Variants in ZNF587B observed in about 807,000 individuals in gnomAD.
ZNF587B encodes the protein zinc finger protein 587B.
A neutral mutation model predicts 7.2 loss-of-function variants in ZNF587B; 6 were observed. The observed-to-expected ratio is 0.83, with a 90% CI of 0.46 to 1.65. ZNF587B has a LOEUF of 1.65. Among genes scored for constraint, ZNF587B ranks in the 40% most tolerant of loss-of-function variants. The pLI, the probability that ZNF587B is intolerant of heterozygous loss-of-function variation, is 0.01. For missense variants in ZNF587B, 749 were observed against 761.0 expected (o/e 0.98, Z 0.19); for synonymous variants, 274 against 254.3 (o/e 1.08, Z -0.74).
At chr19:57,838,344 T>G (rs1988709733) in intron 1 of ZNF587B, among the ~76,000 whole-genome samples, 1 of 151,770 alleles carries the variant, frequency 6.6e-6, no homozygotes, top group African/African-American at 2.4e-5. Context: ...GGCTCAAGCC[T>G]GTAATCCCAG....
chr19:57,830,434 G>C lies in ZNF587B; in HGVS notation c.-95G>C. The C allele has an allele frequency of 3.6e-6, 5 of 1,396,770 alleles. No homozygotes were observed. In the South Asian group the frequency reaches 6.2e-5, roughly 17 times the overall value. 86.5% of individuals were successfully genotyped at this position (1,396,770 alleles called of 1,614,324 possible). ...CTGGAGCTCTGTGACGGCGCCAAGCGTGACCCACCCCTGGGCCAGGATAGG... is the reference window on the plus strand; with the variant it reads ...CTGGAGCTCTGTGACGGCGCCAAGCCTGACCCACCCCTGGGCCAGGATAGG... On this transcript the variant is annotated 5_prime_UTR_variant, in exon 1 of 3. Coordinates refer to ENST00000594901, the MANE Select transcript of ZNF587B (RefSeq NM_001376223.1).
At chr19:57,831,266 A>G (rs992220431) in intron 1 of ZNF587B, among the ~76,000 whole-genome samples, 6 of 152,230 alleles carry the variant, frequency 3.9e-5, no homozygotes, top group African/African-American at 1.4e-4. Flanking sequence ...AGGTGATTAA[A>G]GGAAAGGGAG....
In ZNF587B at chr19:57,840,333, T is replaced by G. The variant is rs1038560294; in HGVS notation, c.164-505T>G. Among the ~76,000 whole-genome samples the G allele has an allele frequency of 2.0e-5, 3 of 152,202 alleles. No homozygotes were observed. The East Asian group carries it at 5.8e-4, about 29-fold the overall frequency. The stretch of plus-strand genomic sequence containing the variant: ...TTGTACATGAACTCGTACCCTAATA[T>G]CCATTCTCCTATCTAATCTTCACAT... On this transcript the variant is annotated intron_variant, in intron 2 of 2. Coordinates refer to ENST00000594901, the MANE Select transcript of ZNF587B (RefSeq NM_001376223.1).
intron 1 of ZNF587B, among the ~76,000 whole-genome samples, chr19:57,837,431 TTTG>T (rs1373611389): frequency 1.9e-4 from 28 of 148,376 alleles, no homozygotes; most frequent in African/African-American, 7.3e-4. Context: ...TAGTTTTTTT[TTTG>T]TTTTGTTTTT....
rs911102017 is a variant in ZNF587B at position 57,843,675 on chromosome 19, C to T, written c.*1099C>T. ...GGAGTGCAGTGGTGTGATCCTGGTT[C>T]ATTGCAACCTCTGCCTCCTGAGTTC... On this transcript the variant is annotated 3_prime_UTR_variant, in exon 3 of 3. Transcript: ENST00000594901. 3.2e-5 allele frequency: 20 copies of T among 632,972 alleles called. No homozygotes were observed. Among genetic ancestry groups the T allele is most frequent in the Non-Finnish European group, 3.4e-5 (18 of 527,310 alleles). The allele number at this position is 632,972 out of a possible 1,614,324, so 39.2% of individuals were successfully genotyped here. A position where few individuals can be genotyped will look rare whatever the true frequency, so the allele number is the denominator to read the frequency against.
At position 57,843,534 on chromosome 19, in the gene ZNF587B, C is replaced by T. The variant is rs1279755043; in HGVS notation, c.*958C>T. ...AAGTATATTTTGGTTGTCTCCCATTCACGAGAGATTTTTTTTTTAAGTTTT... is the reference window on the plus strand; with the variant it reads ...AAGTATATTTTGGTTGTCTCCCATTTACGAGAGATTTTTTTTTTAAGTTTT... On this transcript the variant is annotated 3_prime_UTR_variant, in exon 3 of 3. Coordinates refer to ENST00000594901, the MANE Select transcript of ZNF587B (RefSeq NM_001376223.1). 5.1e-6 allele frequency: 5 copies of T among 981,258 alleles called. No homozygotes were observed. The highest frequency in any genetic ancestry group is 6.0e-6 in the Non-Finnish European group (5 of 829,136). 60.8% of individuals were successfully genotyped at this position (981,258 alleles called of 1,614,324 possible).
chr19:57,843,602 T>TG lies in ZNF587B; in HGVS notation c.*1026_*1027insG. ...TGGTTGGTTGGTTGTTTTTTTTTGT[T>TG]TTTTTTTTTTTTTTTTTTGGAGACA... On this transcript the variant is annotated 3_prime_UTR_variant, in exon 3 of 3. Transcript: ENST00000594901. 4 of 637,374 alleles carry TG rather than the reference T, an allele frequency of 6.3e-6. No homozygotes were observed. The highest frequency in any genetic ancestry group is 2.3e-5 in the African/African-American group (1 of 43,096). The allele number at this position is 637,374 out of a possible 1,614,324, so 39.5% of individuals were successfully genotyped here.
chr19:57,840,426 A>C (rs1290246655), intron 2 of ZNF587B, among the ~76,000 whole-genome samples: 1 of 152,158 alleles, frequency 6.6e-6, no homozygotes, highest in Non-Finnish European at 1.5e-5. Flanking sequence ...ATTTGCATAG[A>C]GATTTGTGTT....
At chr19:57,840,512 G>A (rs1988797842) in intron 2 of ZNF587B, among the ~76,000 whole-genome samples, 1 of 152,026 alleles carries the variant, frequency 6.6e-6, no homozygotes, top group African/African-American at 2.4e-5. Context: ...TCCTTGGCCT[G>A]GACAAATCCC....
In ZNF587B at chr19:57,841,421, A is replaced by T. The variant is rs770433920; in HGVS notation, c.747A>T (p.Lys249Asn). 6.3e-7 allele frequency: 1 copy of T among 1,584,202 alleles called. No homozygotes were observed. Among genetic ancestry groups the T allele is most frequent in the Admixed American group, 1.8e-5 (1 of 54,768 alleles). ...EECYVCCECG[K>N]SFSKYVSFSN... ...GTTATGTGTGCTGTGAATGTGGGAA[A>T]TCCTTTAGCAAATATGTTAGCTTCA... Residue 249 changes from lysine (K) to asparagine (N), a missense_variant, in exon 3 of 3, where the codon AAA (lysine) becomes AAT (asparagine). This residue lies in a region of ZNF587B where 656 missense variants were observed against 596.5 expected (regional missense o/e 1.10). Coordinates refer to ENST00000594901, the MANE Select transcript of ZNF587B (RefSeq NM_001376223.1).
rs1281938940 is a variant in ZNF587B at position 57,842,477 on chromosome 19, T to C, written c.1803T>C (p.Thr601=). The part of the protein sequence containing the change: ...SSLTNHRRVH[T]GEKPYGCSEC... Reference sequence around the variant, plus strand: ...TCACTAATCACAGGAGAGTTCACACTGGAGAAAAGCCTTATGGGTGTAGTG... The same window carrying C: ...TCACTAATCACAGGAGAGTTCACACCGGAGAAAAGCCTTATGGGTGTAGTG... The change falls in exon 3 of 3, where the codon ACT becomes ACC. Residue 601 remains threonine (T), a synonymous_variant. Coordinates refer to ENST00000594901, the MANE Select transcript of ZNF587B (RefSeq NM_001376223.1). The C allele has an allele frequency of 1.3e-6, 2 of 1,595,056 alleles. No individual in the cohort carries two copies. Among genetic ancestry groups the C allele is most frequent in the Non-Finnish European group, 1.7e-6 (2 of 1,173,464 alleles).
At position 57,832,513 on chromosome 19, in the gene ZNF587B, G is replaced by A. The variant is rs976988072; in HGVS notation, c.36+1949G>A. Among the ~76,000 whole-genome samples, 8 of 152,162 alleles carry A rather than the reference G, an allele frequency of 5.3e-5. No individual in the cohort carries two copies. The East Asian group carries it at 1.3e-3, about 26-fold the overall frequency. On this transcript the variant is annotated intron_variant, in intron 1 of 2. Transcript: ENST00000594901. ...CTATCTTGAATTATCTGTCTGAAAG[G>A]TCACGTATCTCTGTTTCTCCAGGAT...
intron 2 of ZNF587B, among the ~76,000 whole-genome samples, chr19:57,839,828 C>G (rs190455317): frequency 2.0e-5 from 3 of 152,138 alleles, no homozygotes; most frequent in Non-Finnish European, 2.9e-5. Flanking sequence ...CTCCTGTAAT[C>G]CCAGCACTTT....
In ZNF587B at chr19:57,842,853, C is replaced by G; in HGVS notation, c.*277C>G. 1.0e-6 allele frequency: 1 copy of G among 985,374 alleles called. No individual in the cohort carries two copies. The allele number at this position is 985,374 out of a possible 1,614,324, so 61.0% of individuals were successfully genotyped here. A position where few individuals can be genotyped will look rare whatever the true frequency, so the allele number is the denominator to read the frequency against. Reference sequence around the variant, plus strand: ...TTTATCCAGAAGTCTGGCTTCAAAACTCACAGGAGAGCTGTCACTACGGAA... The same window carrying G: ...TTTATCCAGAAGTCTGGCTTCAAAAGTCACAGGAGAGCTGTCACTACGGAA... On this transcript the variant is annotated 3_prime_UTR_variant, in exon 3 of 3. Coordinates refer to ENST00000594901, the MANE Select transcript of ZNF587B (RefSeq NM_001376223.1).
In ZNF587B at chr19:57,844,843, T is replaced by A. The variant is rs1324510384; in HGVS notation, c.*2267T>A. The A allele has an allele frequency of 1.3e-5, 2 of 152,246 alleles. No homozygotes were observed. The highest frequency in any genetic ancestry group is 2.9e-5 in the Non-Finnish European group (2 of 68,054). 9.4% of individuals were successfully genotyped at this position (152,246 alleles called of 1,614,324 possible). On this transcript the variant is annotated 3_prime_UTR_variant, in exon 3 of 3. Transcript: ENST00000594901. ...TTCAGCAGATCTTACAAGGCACACA[T>A]GTGCCATGATATCCAGAATTCTGTA...
chr19:57,838,724 G>A (rs1474380442), intron 1 of ZNF587B, among the ~76,000 whole-genome samples: 3 of 152,204 alleles, frequency 2.0e-5, no homozygotes, highest in Admixed American at 6.5e-5. Flanking sequence ...AATGAGGTGC[G>A]TTCAGAGAGG....
In ZNF587B at chr19:57,837,691, G is replaced by T. The variant is rs148569890; in HGVS notation, c.37-1332G>T. ...TCTCGATCTCCTGACCTCGTCATCT[G>T]CCCGTCTCAGCCTCCCAAAGTGCTG... On this transcript the variant is annotated intron_variant, in intron 1 of 2. Coordinates refer to ENST00000594901, the MANE Select transcript of ZNF587B (RefSeq NM_001376223.1). 2.3e-4 allele frequency among the ~76,000 whole-genome samples: 35 copies of T among 151,976 alleles called. 1 individual carries two copies. Among genetic ancestry groups the T allele is most frequent in the Middle Eastern group, 3.4e-3 (1 of 294 alleles).
Position 57,840,903 on chromosome 19 carries a change from ACT to A in ZNF587B, c.231_232del (p.Gln78GlyfsTer17), listed in dbSNP as rs1988814942. On this transcript the variant is annotated frameshift_variant, in exon 3 of 3. Coordinates refer to ENST00000594901, the MANE Select transcript of ZNF587B (RefSeq NM_001376223.1). LOFTEE classifies it low-confidence loss of function (END_TRUNC). ...GCAGAGTATTTATATACAAAGAGAG[ACT>A]CAGGTCAGGACTCCTGTGACAGGTG... ...SKQSIYIQRE[T>X]QVRTPVTGVS... is the part of the protein sequence containing the mutation. The A allele has an allele frequency of 6.4e-7, 1 of 1,556,462 alleles. No individual in the cohort carries two copies. Among genetic ancestry groups the A allele is most frequent in the Non-Finnish European group, 8.7e-7 (1 of 1,152,244 alleles).
In ZNF587B at chr19:57,842,447, C is replaced by T; in HGVS notation, c.1773C>T (p.Ser591=). ...SECGKSFAGI[S]SLTNHRRVHT... ...GTGGGAAATCTTTTGCTGGAATCTC[C>T]AGTCTCACTAATCACAGGAGAGTTC... The change falls in exon 3 of 3, where the codon TCC becomes TCT. Residue 591 remains serine (S), a synonymous_variant. Transcript: ENST00000594901. 3.7e-6 allele frequency: 6 copies of T among 1,602,788 alleles called. No homozygotes were observed. The highest frequency in any genetic ancestry group is 5.1e-6 in the Non-Finnish European group (6 of 1,175,192).
Sources: gnomAD v4.1 joint callset for allele counts (sites outside exome capture counted in the v4.1 genomes callset) on GRCh38, gnomAD v4.1.1 for gene constraint, gnomAD v4.1.1 regional missense constraint, MANE v1.5 for transcripts, NCBI Gene and HGNC (gene_info 2026-07-23, HGNC 2026-07-21) for gene names.